SORCS2: variants seen among roughly 807,000 people sequenced by gnomAD.
SORCS2 encodes sortilin related VPS10 domain containing receptor 2, also known as VPS10 domain-containing receptor SorCS2.
Under a neutral mutation model 141.6 loss-of-function variants are expected in SORCS2, and 100 were observed. The observed-to-expected ratio is 0.71, with a 90% confidence interval of 0.60 to 0.83. The LOEUF is 0.83. Ranked by LOEUF, SORCS2 falls within the 40% of genes least tolerant of loss-of-function variation. The probability of loss-of-function intolerance (pLI) is 0.00; values close to 1 mark genes in which losing one functional copy is unlikely to be tolerated. For synonymous variants in SORCS2, 789 were observed against 676.9 expected (o/e 1.17, Z -2.57); for missense variants, 1,646 against 1,560.2 (o/e 1.05, Z -0.93).
intron 2 of SORCS2, among the ~76,000 whole-genome samples, chr4:7,454,199 T>A (rs1728700265): frequency 1.7e-5 from 2 of 118,310 alleles, no homozygotes; most frequent in South Asian, 2.9e-4. Context: ...GGTCAGGTGC[T>A]GTGTGTTGGG....
intron 9 of SORCS2, among the ~76,000 whole-genome samples, chr4:7,676,913 TCC>T (rs571411111): frequency 0.027 from 742 of 27,180 alleles, 88 homozygotes; most frequent in African/African-American, 0.073. Flanking sequence ...TCTCCCTCTC[TCC>T]CTCTCTCCCT....
chr4:7,304,009 T>C (rs1717619881), intron 1 of SORCS2, among the ~76,000 whole-genome samples: 2 of 152,264 alleles, frequency 1.3e-5, no homozygotes, highest in South Asian at 4.1e-4. Context: ...GCAGGTGCTA[T>C]TGTCAGCCTC....
intron 7 of SORCS2, among the ~76,000 whole-genome samples, 177 bp from the exon 8 acceptor site, chr4:7,666,947 G>T (rs772398750): frequency 4.7e-4 from 72 of 152,068 alleles, no homozygotes; most frequent in Non-Finnish European, 8.7e-4. Context: ...CAGAGGAGGG[G>T]TGTTAATTTG....
chr4:7,607,324 C>T (rs1016782522), intron 3 of SORCS2, among the ~76,000 whole-genome samples: 1 of 152,182 alleles, frequency 6.6e-6, no homozygotes, highest in Non-Finnish European at 1.5e-5. Context: ...TGGAGACTTG[C>T]TGTGTCCTGA....
chr4:7,300,999 T>C (rs1371295753), intron 1 of SORCS2, among the ~76,000 whole-genome samples: 1 of 152,152 alleles, frequency 6.6e-6, no homozygotes, highest in Non-Finnish European at 1.5e-5. Context: ...GTGGCCCAGC[T>C]GTCTGTGAGG....
chr4:7,479,869 G>C (rs13353773), intron 2 of SORCS2, among the ~76,000 whole-genome samples: 1 of 152,224 alleles, frequency 6.6e-6, no homozygotes, highest in Non-Finnish European at 1.5e-5. Flanking sequence ...TGGTACCCAC[G>C]TGTGCTCTGT....
chr4:7,630,425 C>T lies in SORCS2; in HGVS notation c.649-7903C>T, dbSNP rs1233336322. Reference sequence around the variant, plus strand: ...TCTACAACACTTGCAAATGTTTTGCCTCATTGGGAACCTCAGCACAGAAGA... The same window carrying T: ...TCTACAACACTTGCAAATGTTTTGCTTCATTGGGAACCTCAGCACAGAAGA... On this transcript the variant is annotated intron_variant, in intron 3 of 26. Transcript: ENST00000507866. 2.0e-5 allele frequency among the ~76,000 whole-genome samples: 3 copies of T among 152,140 alleles called. No individual in the cohort carries two copies. In the South Asian group the frequency reaches 6.2e-4, roughly 32 times the overall value.
intron 2 of SORCS2, among the ~76,000 whole-genome samples, chr4:7,506,466 T>TCATCCACC (rs1467951016): frequency 6.6e-6 from 1 of 152,130 alleles, no homozygotes; most frequent in East Asian, 1.9e-4. Context: ...GTCCATCCAT[T>TCATCCACC]CATCCACCCA....
intron 3 of SORCS2, among the ~76,000 whole-genome samples, chr4:7,552,044 G>A (rs994211642): frequency 2.6e-5 from 4 of 152,154 alleles, no homozygotes; most frequent in African/African-American, 4.8e-5. Flanking sequence ...GGATGCTGCC[G>A]AGATATGAAT....
chr4:7,441,530 G>T (rs1053552405), intron 2 of SORCS2, among the ~76,000 whole-genome samples: 12 of 151,942 alleles, frequency 7.9e-5, no homozygotes, highest in African/African-American at 2.9e-4. Flanking sequence ...AGAGGGAAGC[G>T]CCCTTGCCAT....
intron 1 of SORCS2, among the ~76,000 whole-genome samples, chr4:7,297,300 G>A (rs1717140466): frequency 2.0e-5 from 3 of 152,264 alleles, no homozygotes; most frequent in African/African-American, 4.8e-5. Context: ...CCCCAGAGTC[G>A]GTGGGGCTGG....
At chr4:7,602,090 A>G (rs1040189662) in intron 3 of SORCS2, among the ~76,000 whole-genome samples, 13 of 152,318 alleles carry the variant, frequency 8.5e-5, no homozygotes, top group African/African-American at 3.1e-4. Flanking sequence ...ACACAGCAAC[A>G]ATCTGGTTTC....
chr4:7,461,693 C>T (rs1015463159), intron 2 of SORCS2, among the ~76,000 whole-genome samples: 75 of 152,212 alleles, frequency 4.9e-4, no homozygotes, highest in African/African-American at 1.6e-3. Context: ...GGCCCTTCCA[C>T]GGTCTGCAGC....
chr4:7,239,121 G>A (rs530236836), intron 1 of SORCS2, among the ~76,000 whole-genome samples: 1 of 152,306 alleles, frequency 6.6e-6, no homozygotes, highest in African/African-American at 2.4e-5. Flanking sequence ...CTCCTTCAAA[G>A]TCCCTGTCCC....
At chr4:7,736,123 G>A (rs1016879800) in intron 25 of SORCS2, among the ~76,000 whole-genome samples, 28 of 152,242 alleles carry the variant, frequency 1.8e-4, no homozygotes, top group African/African-American at 6.0e-4. Flanking sequence ...GCTCTGGTGC[G>A]GCCTGTGCCC....
chr4:7,235,514 A>G (rs114619994), intron 1 of SORCS2, among the ~76,000 whole-genome samples: 2,262 of 152,308 alleles, frequency 0.015, 49 homozygotes, highest in African/African-American at 0.046. Flanking sequence ...GGTTTCTGCG[A>G]CTGCAGAGAA....
chr4:7,391,473 G>A (rs1182321145), intron 1 of SORCS2, among the ~76,000 whole-genome samples: 1 of 152,194 alleles, frequency 6.6e-6, no homozygotes, highest in African/African-American at 2.4e-5. Context: ...CACAGGGCTT[G>A]GCACTGAGTT....
intron 2 of SORCS2, among the ~76,000 whole-genome samples, chr4:7,525,427 G>A (rs954055946): frequency 2.0e-5 from 3 of 152,062 alleles, no homozygotes; most frequent in African/African-American, 7.2e-5. Flanking sequence ...CCAGGGAGCA[G>A]CAGTGGGCGG....
At chr4:7,640,227 CGTGT>C (rs56071629) in intron 4 of SORCS2, among the ~76,000 whole-genome samples, 1 of 141,798 alleles carries the variant, frequency 7.1e-6, no homozygotes, top group African/African-American at 2.6e-5. Flanking sequence ...TGTGTATGAG[CGTGT>C]GTGTGTGAGA....
Sources: gnomAD v4.1 joint callset for allele counts (sites outside exome capture counted in the v4.1 genomes callset) on GRCh38, gnomAD v4.1.1 for gene constraint, MANE v1.5 for transcripts, NCBI Gene and HGNC (gene_info 2026-07-23, HGNC 2026-07-21) for gene names.